AGPAT3: variants seen among roughly 807,000 people sequenced by gnomAD.
The protein encoded by AGPAT3 is 1-acylglycerol-3-phosphate O-acyltransferase 3, also known as 1-acyl-sn-glycerol-3-phosphate acyltransferase gamma.
Under a neutral mutation model 47.3 loss-of-function variants are expected in AGPAT3, and 5 were observed. The observed-to-expected ratio is 0.11, with a 90% CI of 0.06 to 0.22. The LOEUF (loss-of-function observed/expected upper bound fraction) is 0.22, where lower values mean the gene tolerates loss of function less well. AGPAT3 is among the 10% of genes least tolerant of loss of function. The pLI is 1.00. For synonymous variants in AGPAT3, 212 were observed against 208.3 expected, an observed-to-expected ratio of 1.02 and a Z score of -0.15; for missense variants, 315 against 493.0, an observed-to-expected ratio of 0.64 and a Z score of 3.42.
At chr21:43,965,143 T>A (rs962538623) in intron 3 of AGPAT3, 1 of 152,554 alleles carries the variant, frequency 6.6e-6, no homozygotes, top group African/African-American at 2.4e-5. Flanking sequence ...TTGCCCAGAC[T>A]GGTCTCCAAC....
intron 1 of AGPAT3, among the ~76,000 whole-genome samples, chr21:43,875,427 G>T (rs2123535347): frequency 6.6e-6 from 1 of 152,254 alleles, no homozygotes; most frequent in South Asian, 2.1e-4. Context: ...CCCTAGATAT[G>T]GAGGGTCAAC....
At chr21:43,972,511 C>T (rs887225466) in intron 7 of AGPAT3, among the ~76,000 whole-genome samples, 13 of 152,090 alleles carry the variant, frequency 8.5e-5, no homozygotes, top group African/African-American at 2.9e-4. Context: ...CCAGTCCTGT[C>T]CCAATGAAAT....
intron 2 of AGPAT3, among the ~76,000 whole-genome samples, chr21:43,931,725 C>T (rs577381156): frequency 7.2e-5 from 11 of 152,274 alleles, no homozygotes; most frequent in African/African-American, 1.4e-4. Context: ...GTGCAGCTCC[C>T]GTTCATCAGA....
In AGPAT3 at chr21:43,955,127, C is replaced by A; in HGVS notation, c.-48-4507C>A. ...CGTGGCACGTCCATGCCGTGGGGGT[C>A]ACTCAGCAGCCACGGATGCGCCCTG... On this transcript the variant is annotated intron_variant, in intron 2 of 9. Coordinates refer to ENST00000291572, the MANE Select transcript of AGPAT3 (RefSeq NM_020132.5). The surrounding 1 kb of genome is among the most constrained non-coding windows in gnomAD (Gnocchi z 4.1). 1 of 1,276,118 alleles carries A rather than the reference C, an allele frequency of 7.8e-7. No individual in the cohort carries two copies. The highest frequency in any genetic ancestry group is 1.0e-6 in the Non-Finnish European group (1 of 980,464). 79.0% of individuals were successfully genotyped at this position (1,276,118 alleles called of 1,614,324 possible). A position where few individuals can be genotyped will look rare whatever the true frequency, so the allele number is the denominator to read the frequency against.
chr21:43,967,787 G>A, intron 3 of AGPAT3, 159 bp from the exon 4 acceptor site: 1 of 698,338 alleles, frequency 1.4e-6, no homozygotes. Flanking sequence ...GAAAGTTATT[G>A]TAATTTCATA....
chr21:43,954,265 T>C lies in AGPAT3; in HGVS notation c.-48-5369T>C, dbSNP rs1601408571. Reference sequence around the variant, plus strand: ...GGGAGGTGGCCTCTGCCTGCTGCCATTGGAGGTTTGTGCAGTCAGGTTTAT... The same window carrying C: ...GGGAGGTGGCCTCTGCCTGCTGCCACTGGAGGTTTGTGCAGTCAGGTTTAT... On this transcript the variant is annotated intron_variant, in intron 2 of 9. Transcript: ENST00000291572. The surrounding 1 kb of genome is among the most constrained non-coding windows in gnomAD (Gnocchi z 4.0). 6.6e-6 allele frequency among the ~76,000 whole-genome samples: 1 copy of C among 152,092 alleles called. No homozygotes were observed. Among genetic ancestry groups the C allele is most frequent in the Non-Finnish European group, 1.5e-5 (1 of 68,016 alleles).
At chr21:43,877,286 G>A (rs2085754612) in intron 1 of AGPAT3, among the ~76,000 whole-genome samples, 1 of 152,214 alleles carries the variant, frequency 6.6e-6, no homozygotes, top group South Asian at 2.1e-4. Context: ...AGACTAGGTT[G>A]CCATTTCAAT....
chr21:43,892,610 A>T (rs1053302644), intron 1 of AGPAT3, among the ~76,000 whole-genome samples: 26 of 152,338 alleles, frequency 1.7e-4, no homozygotes, highest in African/African-American at 6.3e-4. Context: ...CATCATTCTT[A>T]AGGGCTCTAG....
In AGPAT3 at chr21:43,908,837, G is replaced by A. The variant is rs2086563586; in HGVS notation, c.-49+4818G>A. Among the ~76,000 whole-genome samples, 1 of 152,164 alleles carries A rather than the reference G, an allele frequency of 6.6e-6. No individual in the cohort carries two copies. The highest frequency in any genetic ancestry group is 2.4e-5 in the African/African-American group (1 of 41,436). On this transcript the variant is annotated intron_variant, in intron 2 of 9. Transcript: ENST00000291572. The surrounding 1 kb of genome is among the most constrained non-coding windows in gnomAD (Gnocchi z 4.9). ...TCATTTCCTTCCATCCCTGTGGAGC[G>A]AACCCTGTTGTTTGCATTTTTTGGA...
chr21:43,900,025 G>A (rs2086315050), intron 1 of AGPAT3, among the ~76,000 whole-genome samples: 2 of 152,198 alleles, frequency 1.3e-5, no homozygotes. Flanking sequence ...TCCTGCTATT[G>A]CATTCTGACA....
intron 2 of AGPAT3, among the ~76,000 whole-genome samples, chr21:43,957,507 GGGGGGTCTC>G (rs2088532442): frequency 1.5e-5 from 2 of 136,724 alleles, no homozygotes; most frequent in African/African-American, 5.7e-5. Flanking sequence ...CCCTCCACAC[GGGGGGTCTC>G]GGGTTTCCCC....
intron 1 of AGPAT3, among the ~76,000 whole-genome samples, chr21:43,871,345 T>C (rs568442127): frequency 6.6e-6 from 1 of 152,138 alleles, no homozygotes; most frequent in African/African-American, 2.4e-5. Context: ...ACTAAGAGAA[T>C]AAGCATCAAT....
chr21:43,878,062 G>C (rs1395002191), intron 1 of AGPAT3, among the ~76,000 whole-genome samples: 1 of 152,136 alleles, frequency 6.6e-6, no homozygotes, highest in Non-Finnish European at 1.5e-5. Context: ...CAGAACAAGA[G>C]GCAGCCTTTC....
chr21:43,865,766 G>A (rs2085490710), intron 1 of AGPAT3, among the ~76,000 whole-genome samples: 1 of 151,802 alleles, frequency 6.6e-6, no homozygotes, highest in Non-Finnish European at 1.5e-5. Flanking sequence ...ACTCTGCTCC[G>A]GGCCCCGCTC....
At chr21:43,896,437 T>C (rs1287046812) in intron 1 of AGPAT3, among the ~76,000 whole-genome samples, 3 of 152,262 alleles carry the variant, frequency 2.0e-5, no homozygotes, top group African/African-American at 7.2e-5. Flanking sequence ...GCATTGTGTG[T>C]AGATTGATTG....
intron 2 of AGPAT3, among the ~76,000 whole-genome samples, chr21:43,906,333 C>A (rs546265953): frequency 6.6e-6 from 1 of 152,044 alleles, no homozygotes; most frequent in Non-Finnish European, 1.5e-5. Context: ...AGCTCCCCCC[C>A]GCCCAAGCTG....
intron 4 of AGPAT3, 119 bp from the exon 5 acceptor site, chr21:43,968,999 C>G: frequency 9.1e-7 from 1 of 1,102,430 alleles, no homozygotes; most frequent in Non-Finnish European, 1.3e-6. Context: ...CCCTGAGCCA[C>G]AAAGCCGTGA....
intron 1 of AGPAT3, among the ~76,000 whole-genome samples, chr21:43,892,323 A>G (rs2086120132): frequency 6.6e-6 from 1 of 152,106 alleles, no homozygotes; most frequent in Non-Finnish European, 1.5e-5. Context: ...AAAAAAAGAA[A>G]AAAAAAGAAA....
At chr21:43,924,885 A>G (rs1380216583) in intron 2 of AGPAT3, 1 of 152,290 alleles carries the variant, frequency 6.6e-6, no homozygotes, top group Non-Finnish European at 1.5e-5. Flanking sequence ...CGAGCCTCCT[A>G]CAACTTGGCA....
Sources: allele counts gnomAD v4.1 joint callset (sites outside exome capture counted in the v4.1 genomes callset), GRCh38; gene constraint gnomAD v4.1.1; non-coding constraint Gnocchi (gnomAD v3.1); transcripts MANE v1.5; gene names NCBI Gene and HGNC (gene_info 2026-07-23, HGNC 2026-07-21).